The following CTNNA2 variants were observed in gnomAD, a reference collection of about 807,000 sequenced individuals.
CTNNA2 encodes catenin alpha-2.
A neutral mutation model predicts 101.0 loss-of-function variants in CTNNA2; 42 were observed. The ratio of observed to expected loss-of-function variants is 0.42; its 90% CI spans 0.32 to 0.54. The LOEUF is 0.54. Ranked by LOEUF, CTNNA2 falls within the 20% of genes least tolerant of loss-of-function variation. The pLI is 0.14. For missense variants in CTNNA2, 871 were observed against 1,223.1 expected (o/e 0.71, Z 4.29); for synonymous variants, 450 against 456.4 (o/e 0.99, Z 0.18).
intron 7 of CTNNA2, among the ~76,000 whole-genome samples, chr2:80,165,419 T>A (rs1349406215): frequency 6.6e-6 from 1 of 152,166 alleles, no homozygotes; most frequent in Non-Finnish European, 1.5e-5. Context: ...AAAAGTTACA[T>A]GTAGTTTTTA....
intron 11 of CTNNA2, among the ~76,000 whole-genome samples, chr2:80,547,361 T>C (rs1692167190): frequency 1.3e-5 from 2 of 152,172 alleles, no homozygotes; most frequent in African/African-American, 4.8e-5. Context: ...TAATTCTAGG[T>C]TTTGTTTTAA....
chr2:79,992,016 A>T (rs1256169652), intron 7 of CTNNA2, among the ~76,000 whole-genome samples: 1 of 152,198 alleles, frequency 6.6e-6, no homozygotes, highest in East Asian at 1.9e-4. Flanking sequence ...TAAAAATCCA[A>T]TCTTGGTATC....
chr2:79,820,837 T>TAA (rs1677942663), intron 3 of CTNNA2, among the ~76,000 whole-genome samples: 1 of 152,082 alleles, frequency 6.6e-6, no homozygotes, highest in East Asian at 1.9e-4. Context: ...TCACATTCAA[T>TAA]ATTTACCTCA....
intron 2 of CTNNA2, among the ~76,000 whole-genome samples, chr2:79,200,764 C>A (rs1674023663): frequency 6.6e-6 from 1 of 152,072 alleles, no homozygotes; most frequent in African/African-American, 2.4e-5. Context: ...GGCACACATA[C>A]ACACACATCT....
intron 18 of CTNNA2, among the ~76,000 whole-genome samples, chr2:80,624,901 C>T (rs1671528009): frequency 6.6e-6 from 1 of 151,870 alleles, no homozygotes; most frequent in Non-Finnish European, 1.5e-5. Context: ...TTAGTTCTTA[C>T]AGATATCTCT....
intron 7 of CTNNA2, among the ~76,000 whole-genome samples, chr2:80,177,298 G>C (rs1705455672): frequency 6.6e-6 from 1 of 152,218 alleles, no homozygotes; most frequent in Non-Finnish European, 1.5e-5. Flanking sequence ...ATTTCATGCA[G>C]GATAGGCAAA....
intron 3 of CTNNA2, among the ~76,000 whole-genome samples, chr2:79,758,292 A>G (rs1672534279): frequency 6.6e-6 from 1 of 152,196 alleles, no homozygotes; most frequent in Non-Finnish European, 1.5e-5. Context: ...ATTGTTGAAG[A>G]CGAAGCTGAT....
rs372457431 is a variant in CTNNA2 at position 79,489,475 on chromosome 2, AATT to A, written c.-134-15573_-134-15571del. On this transcript the variant is annotated intron_variant, in intron 4 of 21. Transcript: ENST00000466387. ...GCAAGTGAGAAACAAGGCATCACTC[AATT>A]ATTATGATCTAGGCTTGTACCCTCA... is the stretch of plus-strand genomic sequence containing the variant. Among the ~76,000 whole-genome samples the A allele has an allele frequency of 1.4e-4, 21 of 152,294 alleles. No individual in the cohort carries two copies. In the East Asian group the frequency reaches 4.1e-3, roughly 29 times the overall value.
chr2:80,628,540 A>C (rs1251353829), intron 18 of CTNNA2, among the ~76,000 whole-genome samples: 1 of 151,908 alleles, frequency 6.6e-6, no homozygotes, highest in South Asian at 2.1e-4. Flanking sequence ...CAGAAAGCTG[A>C]AGTTGGATCC....
chr2:80,136,682 T>C (rs1252427583), intron 7 of CTNNA2, among the ~76,000 whole-genome samples: 1 of 152,216 alleles, frequency 6.6e-6, no homozygotes, highest in African/African-American at 2.4e-5. Context: ...CTGTACTCTT[T>C]GGCCTCTTGC....
At chr2:79,588,337 T>C (rs1260026756) in intron 1 of CTNNA2, among the ~76,000 whole-genome samples, 1 of 152,206 alleles carries the variant, frequency 6.6e-6, no homozygotes, top group Non-Finnish European at 1.5e-5. Context: ...ATCTTGTTCA[T>C]CATCTTTTAT....
At chr2:79,905,634 A>ATGG (rs1215768860) in intron 6 of CTNNA2, among the ~76,000 whole-genome samples, 1 of 151,908 alleles carries the variant, frequency 6.6e-6, no homozygotes, top group East Asian at 1.9e-4. Context: ...GATGGTGATG[A>ATGG]TGGTGGTGGT....
At chr2:80,249,478 AACC>A (rs1234874471) in intron 7 of CTNNA2, among the ~76,000 whole-genome samples, 1 of 152,212 alleles carries the variant, frequency 6.6e-6, no homozygotes, top group African/African-American at 2.4e-5. Context: ...TAATCATTGT[AACC>A]ACTTATTGAG....
chr2:80,099,625 G>A (rs2148838173), intron 7 of CTNNA2, among the ~76,000 whole-genome samples: 1 of 152,248 alleles, frequency 6.6e-6, no homozygotes, highest in East Asian at 1.9e-4. Context: ...CCAATGTGGT[G>A]TGTGGTCACC....
chr2:80,088,782 A>G (rs1699599941), intron 7 of CTNNA2, among the ~76,000 whole-genome samples: 1 of 152,088 alleles, frequency 6.6e-6, no homozygotes. Flanking sequence ...CACTTGGGAC[A>G]CTTTATCTTT....
intron 18 of CTNNA2, among the ~76,000 whole-genome samples, chr2:80,643,178 T>G (rs924497272): frequency 1.2e-4 from 18 of 152,070 alleles, no homozygotes; most frequent in Admixed American, 5.9e-4. Context: ...GGAGAATGAG[T>G]GTAGCAGATC....
At chr2:79,858,205 T>C in intron 4 of CTNNA2, 26 bp downstream of exon 4, 2 of 1,579,112 alleles carry the variant, frequency 1.3e-6, no homozygotes, top group Non-Finnish European at 1.7e-6. Context: ...TTATCAAAAC[T>C]TTCTTTATGT....
intron 7 of CTNNA2, among the ~76,000 whole-genome samples, chr2:80,246,228 T>G (rs757249930): frequency 6.6e-6 from 1 of 152,196 alleles, no homozygotes; most frequent in African/African-American, 2.4e-5. Context: ...AAGACCCAGT[T>G]TGTGAATGGT....
At chr2:79,250,365 G>C (rs778993270) in intron 2 of CTNNA2, among the ~76,000 whole-genome samples, 21 of 152,148 alleles carry the variant, frequency 1.4e-4, no homozygotes, top group Non-Finnish European at 2.9e-4. Context: ...ACTTGCCTGG[G>C]AAGCCACTTG....
Sources: allele counts gnomAD v4.1 joint callset (sites outside exome capture counted in the v4.1 genomes callset), GRCh38; gene constraint gnomAD v4.1.1; transcripts MANE v1.5; gene names NCBI Gene and HGNC (gene_info 2026-07-23, HGNC 2026-07-21).